PCLO: variants seen among roughly 807,000 people sequenced by gnomAD.
PCLO encodes the protein piccolo presynaptic cytomatrix protein.
PCLO carries 82 observed loss-of-function variants against 427.5 expected under a neutral mutation model. The observed-to-expected ratio is 0.19, with a 90% CI of 0.16 to 0.23. The LOEUF (loss-of-function observed/expected upper bound fraction) is 0.23. Among genes scored for constraint, PCLO ranks in the 10% least tolerant of loss-of-function variants. PCLO has a pLI of 1.00. For synonymous variants in PCLO, 2,357 were observed against 2,155.4 expected, an observed-to-expected ratio of 1.09 and a Z score of -2.59; for missense variants, 6,239 against 6,115.9, an observed-to-expected ratio of 1.02 and a Z score of -0.67.
At chr7:82,811,623 T>C (rs1372410835) in intron 20 of PCLO, among the ~76,000 whole-genome samples, 1 of 151,526 alleles carries the variant, frequency 6.6e-6, no homozygotes, top group Non-Finnish European at 1.5e-5. Flanking sequence ...TAAGAAGAGG[T>C]ACTGCATCTT....
At chr7:82,884,947 G>T (rs1793595729) in intron 9 of PCLO, among the ~76,000 whole-genome samples, 1 of 152,126 alleles carries the variant, frequency 6.6e-6, no homozygotes. Context: ...TAAGTAGGAA[G>T]AAAAATACTA....
At chr7:82,833,304 T>C (rs1244009391) in intron 16 of PCLO, among the ~76,000 whole-genome samples, 3 of 152,170 alleles carry the variant, frequency 2.0e-5, no homozygotes, top group Non-Finnish European at 4.4e-5. Context: ...ATCTCAGTAA[T>C]GAGAAAATAT....
intron 10 of PCLO, among the ~76,000 whole-genome samples, chr7:82,858,950 A>G (rs1438260385): frequency 6.6e-6 from 1 of 152,198 alleles, no homozygotes; most frequent in Non-Finnish European, 1.5e-5. Context: ...TTTCATAGAA[A>G]TAGAAAAAAA....
intron 11 of PCLO, among the ~76,000 whole-genome samples, 187 bp downstream of exon 11, chr7:82,846,952 G>A (rs1183158859): frequency 6.6e-6 from 1 of 152,148 alleles, no homozygotes; most frequent in East Asian, 1.9e-4. Flanking sequence ...GCATGAAAGG[G>A]AAGAGGCTGT....
chr7:82,771,975 A>T (rs1790656664), intron 22 of PCLO, among the ~76,000 whole-genome samples: 1 of 152,104 alleles, frequency 6.6e-6, no homozygotes, highest in Non-Finnish European at 1.5e-5. Flanking sequence ...AGGGAGTTAC[A>T]ACGGACTCAA....
At chr7:83,151,956 AAACT>A (rs1792141345) in intron 2 of PCLO, among the ~76,000 whole-genome samples, 1 of 151,872 alleles carries the variant, frequency 6.6e-6, no homozygotes, top group Non-Finnish European at 1.5e-5. Flanking sequence ...AGCCCTATAC[AAACT>A]TACTTTTTTT....
chr7:82,945,909 ATAAT>A (rs1795190742), intron 6 of PCLO, among the ~76,000 whole-genome samples: 1 of 152,250 alleles, frequency 6.6e-6, no homozygotes, highest in African/African-American at 2.4e-5. Context: ...TTAAGAATAA[ATAAT>A]TAGGAAATGT....
chr7:82,830,425 A>C (rs2115705163), intron 16 of PCLO, among the ~76,000 whole-genome samples: 1 of 152,150 alleles, frequency 6.6e-6, no homozygotes, highest in South Asian at 2.1e-4. Flanking sequence ...TAATACATAT[A>C]AATTAATACA....
In PCLO at chr7:82,954,981, T is replaced by C. The variant is rs753553978; in HGVS notation, c.5972A>G (p.Gln1991Arg). ...AATCTGTTCTGAAAGTCTTATCTTT[T>C]GCTCTCTTCCTTTCTGCTGCATAAA... ...NGFMQQKGRE[Q>R]KIRLSEQIYE... Residue 1991 changes from glutamine to arginine, a missense_variant, in exon 5 of 25, where the codon CAA becomes CGA. Physicochemically the swap from Gln to Arg is conservative, Grantham distance 43. Transcript: ENST00000333891. 7 of 1,613,874 alleles carry C rather than the reference T, an allele frequency of 4.3e-6. No individual in the cohort carries two copies. In the East Asian group the frequency reaches 6.7e-5, roughly 15 times the overall value.
At chr7:82,867,982 G>C (rs749635090) in intron 10 of PCLO, 1 of 362,632 alleles carries the variant, frequency 2.8e-6, no homozygotes, top group Non-Finnish European at 5.4e-6. Flanking sequence ...CTTCACAGAA[G>C]AGAGTTTCCT....
At chr7:83,031,334 G>C (rs189378736) in intron 3 of PCLO, among the ~76,000 whole-genome samples, 6 of 152,250 alleles carry the variant, frequency 3.9e-5, no homozygotes, top group African/African-American at 1.4e-4. Context: ...TTGGTGTTCT[G>C]AGCATGGAAA....
chr7:82,824,509 T>C (rs1791885272), intron 18 of PCLO, 93 bp from the exon 19 acceptor site: 1 of 766,562 alleles, frequency 1.3e-6, no homozygotes. Flanking sequence ...TTCAAGGATA[T>C]AAACCAAGGA....
At chr7:82,941,140 G>A (rs1290295265) in intron 6 of PCLO, among the ~76,000 whole-genome samples, 1 of 150,916 alleles carries the variant, frequency 6.6e-6, no homozygotes, top group East Asian at 1.9e-4. Context: ...TGTTCTTTAG[G>A]TGAAATTAAA....
chr7:83,155,427 G>T lies in PCLO; in HGVS notation c.1214C>A (p.Pro405Gln). The T allele has an allele frequency of 6.2e-7, 1 of 1,613,926 alleles. No individual in the cohort carries two copies. Among genetic ancestry groups the T allele is most frequent in the East Asian group, 2.2e-5 (1 of 44,870 alleles). ...PGVGKTPAQQ[P>Q]GPAKPPTQQV... Reference sequence around the variant, plus strand: ...CTGGGTTGGAGGCTTTGCTGGCCCTGGCTGTTGAGCTGGAGTCTTTCCAAC... The same window carrying T: ...CTGGGTTGGAGGCTTTGCTGGCCCTTGCTGTTGAGCTGGAGTCTTTCCAAC... The change falls in exon 2 of 25, where the codon CCA (proline) becomes CAA (glutamine). Residue 405 changes from proline to glutamine, a missense_variant. This residue lies in a region of PCLO where 4,677 missense variants were observed against 4,468.4 expected (regional missense o/e 1.05). Transcript: ENST00000333891.
chr7:82,848,304 GTTTTTTTT>G (rs71522632), intron 10 of PCLO, among the ~76,000 whole-genome samples: 11 of 83,890 alleles, frequency 1.3e-4, no homozygotes, highest in South Asian at 5.7e-4. Context: ...CCATTAGTTA[GTTTTTTTT>G]TTTTTTTTTT....
intron 2 of PCLO, among the ~76,000 whole-genome samples, chr7:83,148,913 G>T (rs1466312851): frequency 6.6e-6 from 1 of 152,168 alleles, no homozygotes; most frequent in African/African-American, 2.4e-5. Context: ...ATGGCAGGGG[G>T]TCAGTATCCA....
rs1311902058 is a variant in PCLO at position 82,965,758 on chromosome 7, A to T, written c.4017+13T>A. Reference sequence around the variant, plus strand: ...CACATGAGAGTGTGAGAAGTTAGTAAAATTTAACTTACTGTTTTTTCTTTC... The same window carrying T: ...CACATGAGAGTGTGAGAAGTTAGTATAATTTAACTTACTGTTTTTTCTTTC... On this transcript the variant is annotated intron_variant, in intron 4 of 24. Transcript: ENST00000333891. The T allele has an allele frequency of 6.4e-7, 1 of 1,556,482 alleles. No individual in the cohort carries two copies. The highest frequency in any genetic ancestry group is 1.4e-5 in the African/African-American group (1 of 72,546).
rs745971591 is a variant in PCLO at position 82,950,606 on chromosome 7, G to C, written c.9982C>G (p.Pro3328Ala). The C allele has an allele frequency of 6.8e-6, 11 of 1,613,724 alleles. No homozygotes were observed. The highest frequency in any genetic ancestry group is 1.6e-4 in the Middle Eastern group (1 of 6,084). Reference protein sequence around the residue: ...YNYDPSGTASPQTTTEQAILE... With the variant: ...YNYDPSGTASAQTTTEQAILE... The stretch of plus-strand genomic sequence containing the variant: ...ATTGCCTGCTCTGTAGTGGTTTGTG[G>C]AGAAGCAGTTCCAGAAGGGTCATAG... Residue 3328 changes from proline to alanine, a missense_variant, in exon 6 of 25, where the codon CCA (proline) becomes GCA (alanine). Pro to Ala is a conservative substitution (Grantham distance 27, BLOSUM62 -1). This residue lies in a region of PCLO where 4,677 missense variants were observed against 4,468.4 expected (regional missense o/e 1.05). Coordinates refer to ENST00000333891, the MANE Select transcript of PCLO (RefSeq NM_033026.6).
chr7:82,784,108 G>A (rs899302069), intron 22 of PCLO, among the ~76,000 whole-genome samples: 20 of 152,018 alleles, frequency 1.3e-4, no homozygotes, highest in Admixed American at 3.3e-4. Flanking sequence ...TTTCTCTTCA[G>A]AATATTCTCA....
Sources: gnomAD v4.1 joint callset for allele counts (sites outside exome capture counted in the v4.1 genomes callset) on GRCh38, gnomAD v4.1.1 for gene constraint, gnomAD v4.1.1 regional missense constraint, MANE v1.5 for transcripts, NCBI Gene and HGNC (gene_info 2026-07-23, HGNC 2026-07-21) for gene names.